SETD1A: variants seen among roughly 807,000 people sequenced by gnomAD.
The protein encoded by SETD1A is histone-lysine N-methyltransferase SETD1A.
SETD1A carries 29 observed loss-of-function variants against 149.9 expected under a neutral mutation model. The observed-to-expected ratio is 0.19, with a 90% CI of 0.14 to 0.26. The LOEUF (loss-of-function observed/expected upper bound fraction) is 0.26. Ranked by LOEUF, SETD1A falls within the 10% of genes least tolerant of loss-of-function variation. The pLI, the probability that SETD1A is intolerant of heterozygous loss-of-function variation, is 1.00. For missense variants in SETD1A, 2,109 were observed against 2,353.1 expected, an observed-to-expected ratio of 0.90 and a Z score of 2.15; for synonymous variants, 1,141 against 968.5, an observed-to-expected ratio of 1.18 and a Z score of -3.31.
rs1251796306 is a variant in SETD1A at position 30,965,906 on chromosome 16, G to T, written c.2025G>T (p.Gly675=). 2 of 1,613,256 alleles carry T rather than the reference G, an allele frequency of 1.2e-6. No homozygotes were observed. Among genetic ancestry groups the T allele is most frequent in the South Asian group, 2.2e-5 (2 of 90,952 alleles). Residue 675 remains glycine, a synonymous_variant, in exon 8 of 19, where the codon GGG becomes GGT. Coordinates refer to ENST00000262519, the MANE Select transcript of SETD1A (RefSeq NM_014712.3). ...LMDRLGAQWG[G]MPMSFQMQTQ... is the part of the protein sequence containing the mutation. ...ACCGACTTGGGGCTCAGTGGGGAGG[G>T]ATGCCCATGTCCTTCCAGATGCAGA...
chr16:30,975,342 C>T (rs1016635663), intron 13 of SETD1A, among the ~76,000 whole-genome samples: 1 of 151,990 alleles, frequency 6.6e-6, no homozygotes, highest in African/African-American at 2.4e-5. Context: ...GATATCAGCT[C>T]CCATGTGTCA....
intron 1 of SETD1A, 57 bp from the exon 2 acceptor site, chr16:30,958,660 C>A: frequency 2.0e-6 from 3 of 1,464,668 alleles, no homozygotes; most frequent in South Asian, 1.2e-5. Flanking sequence ...TGAGGAAAGG[C>A]AGGGGAGTCA....
rs2056123604 is a variant in SETD1A at position 30,965,290 on chromosome 16, C to T, written c.1548C>T (p.Asn516=). The change falls in exon 7 of 19, where the codon AAC becomes AAT. Residue 516 remains asparagine, a synonymous_variant. Transcript: ENST00000262519. ...LASDTEEEEE[N]SSMVLGARDT... The stretch of plus-strand genomic sequence containing the variant: ...CTGACACAGAGGAGGAGGAAGAGAA[C>T]AGCAGCATGGTCCTTGGGGCCAGAG... 6.2e-7 allele frequency: 1 copy of T among 1,614,266 alleles called. No homozygotes were observed. The highest frequency in any genetic ancestry group is 1.3e-5 in the African/African-American group (1 of 75,082).
At position 30,958,728 on chromosome 16, in the gene SETD1A, A is replaced by G. The variant is rs778174472; in HGVS notation, c.-4A>G. ...TCTTCCCCTAACAGTGTAAATGAGC[A>G]AAGATGGATCAGGAAGGTGGGGGAG... On this transcript the variant is annotated 5_prime_UTR_variant, in exon 2 of 19. Coordinates refer to ENST00000262519, the MANE Select transcript of SETD1A (RefSeq NM_014712.3). 4.9e-5 allele frequency: 79 copies of G among 1,614,024 alleles called. No homozygotes were observed. In the South Asian group the frequency reaches 7.1e-4, roughly 15 times the overall value.
chr16:30,977,868 A>C (rs1159585133), intron 13 of SETD1A, among the ~76,000 whole-genome samples: 1 of 152,204 alleles, frequency 6.6e-6, no homozygotes, highest in Non-Finnish European at 1.5e-5. Flanking sequence ...GAAGCCAGTG[A>C]GTCCGTGGGC....
chr16:30,971,571 G>T lies in SETD1A; in HGVS notation c.3210G>T (p.Arg1070=), dbSNP rs768969396. The T allele has an allele frequency of 5.0e-6, 8 of 1,613,692 alleles. No individual in the cohort carries two copies. Among genetic ancestry groups the T allele is most frequent in the African/African-American group, 1.3e-5 (1 of 74,880 alleles). ...SSSEDEEEEE[R]PAALPSASPP... The stretch of plus-strand genomic sequence containing the variant: ...CTGAAGATGAAGAGGAAGAGGAGCG[G>T]CCAGCAGCCCTTCCCTCAGCCTCCC... The change falls in exon 13 of 19, where the codon CGG becomes CGT. Residue 1070 remains arginine (R), a synonymous_variant. Transcript: ENST00000262519.
intron 13 of SETD1A, among the ~76,000 whole-genome samples, chr16:30,976,147 A>G (rs1018728004): frequency 1.3e-5 from 2 of 152,024 alleles, no homozygotes; most frequent in Non-Finnish European, 2.9e-5. Context: ...TGGCTCACAC[A>G]TGTAATCCCA....
intron 12 of SETD1A, among the ~76,000 whole-genome samples, chr16:30,971,134 T>TC (rs1183442517): frequency 1.3e-5 from 2 of 152,190 alleles, no homozygotes. Flanking sequence ...GTTCAGCTTG[T>TC]CCCCTGGGAT....
rs376894445 is a variant in SETD1A, at chr16:30,977,555, C to T, written c.3359-1590C>T. ...TGTGCTGGTGGAGGAGTGTGTTCTT[C>T]GAGCGAGGCTTCCCGAGGACATGCA... is the stretch of plus-strand genomic sequence containing the variant. On this transcript the variant is annotated intron_variant, in intron 13 of 18. Transcript: ENST00000262519. Among the ~76,000 whole-genome samples, 7 of 152,306 alleles carry T rather than the reference C, an allele frequency of 4.6e-5. No individual in the cohort carries two copies. In the East Asian group the frequency reaches 1.2e-3, roughly 25 times the overall value.
chr16:30,959,809 C>A (rs192684708), intron 3 of SETD1A, among the ~76,000 whole-genome samples: 51 of 151,558 alleles, frequency 3.4e-4, no homozygotes, highest in African/African-American at 1.1e-3. Flanking sequence ...ACACCCACAG[C>A]TTCAACTATT....
In SETD1A at chr16:30,983,550, G is replaced by C; in HGVS notation, c.4813-85G>C. The C allele has an allele frequency of 6.7e-7, 1 of 1,488,218 alleles. No individual in the cohort carries two copies. Among genetic ancestry groups the C allele is most frequent in the African/African-American group, 1.4e-5 (1 of 73,342 alleles). The allele number at this position is 1,488,218 out of a possible 1,614,324, so 92.2% of individuals were successfully genotyped here. On this transcript the variant is annotated intron_variant, in intron 17 of 18. Coordinates refer to ENST00000262519, the MANE Select transcript of SETD1A (RefSeq NM_014712.3). The surrounding 1 kb of genome is among the most constrained non-coding windows in gnomAD (Gnocchi z 6.8). The stretch of plus-strand genomic sequence containing the variant: ...AGCTGCAGCTCCAGGCCTGGTGGGC[G>C]TGGACCTGGGGTGCTGGCTGGCAGG...
rs897760166 is a variant in SETD1A at position 30,979,960 on chromosome 16, C to T, written c.4174C>T (p.Arg1392Cys). Residue 1392 changes from arginine to cysteine, a missense_variant, in exon 14 of 19, where the codon CGC (arginine) becomes TGC (cysteine). Physicochemically the swap from Arg to Cys is radical, Grantham distance 180. Around this residue, in one of 8 missense-constraint regions of SETD1A, gnomAD observed 832 missense variants for 815.6 expected, o/e 1.02. Transcript: ENST00000262519. ...SSDGEGALRR[R>C]SLRSHARRRR... The stretch of plus-strand genomic sequence containing the variant: ...CGATGGGGAGGGCGCCCTCCGGAGG[C>T]GCAGCCTCCGCTCCCACGCCCGGCG... 5.2e-6 allele frequency: 8 copies of T among 1,530,246 alleles called. No individual in the cohort carries two copies. The highest frequency in any genetic ancestry group is 7.0e-6 in the Non-Finnish European group (8 of 1,142,364). 94.8% of individuals were successfully genotyped at this position (1,530,246 alleles called of 1,614,324 possible).
In SETD1A at chr16:30,980,170, G is replaced by A; in HGVS notation, c.4384G>A (p.Asp1462Asn). The A allele has an allele frequency of 1.2e-6, 2 of 1,609,722 alleles. No individual in the cohort carries two copies. Among genetic ancestry groups the A allele is most frequent in the Non-Finnish European group, 1.7e-6 (2 of 1,178,022 alleles). ...QQTSGADWLN[D>N]THWVHHTITN... The stretch of plus-strand genomic sequence containing the variant: ...GACAAGCGGGGCTGACTGGCTCAAC[G>A]ACACTCACTGGGTCCATCACACAAA... The change falls in exon 14 of 19, where the codon GAC becomes AAC. Residue 1462 changes from aspartate (D) to asparagine (N), a missense_variant. This residue lies in a region of SETD1A where 254 missense variants were observed against 409.3 expected (regional missense o/e 0.62). Transcript: ENST00000262519. The surrounding 1 kb of genome is among the most constrained non-coding windows in gnomAD (Gnocchi z 7.7).
At position 30,979,243 on chromosome 16, in the gene SETD1A, T is replaced by G; in HGVS notation, c.3457T>G (p.Ser1153Ala). The change falls in exon 14 of 19, where the codon TCT becomes GCT. Residue 1153 changes from serine (S) to alanine (A), a missense_variant. By Grantham distance (99) the Ser-to-Ala change is moderately conservative. Coordinates refer to ENST00000262519, the MANE Select transcript of SETD1A (RefSeq NM_014712.3). ...CCCACGCCCCGATGAGCGTCCCTCT[T>G]CTCCCATCCCCCTCCTGCCCCCACC... ...PAPRPDERPS[S>A]PIPLLPPPKK... 6.2e-7 allele frequency: 1 copy of G among 1,603,940 alleles called. No individual in the cohort carries two copies. The highest frequency in any genetic ancestry group is 8.5e-7 in the Non-Finnish European group (1 of 1,174,414).
chr16:30,980,492 C>T lies in SETD1A; in HGVS notation c.4416C>T (p.Asn1472=), dbSNP rs2056359083. The change falls in exon 15 of 19, where the codon AAC becomes AAT. Residue 1472 remains asparagine, a synonymous_variant. Transcript: ENST00000262519. This position sits in a 1 kb window ranked among gnomAD's most constrained non-coding sequence, Gnocchi z 7.7. ...TTCCTTAACACCCTGCACTCACCAA[C>T]CTGACCACCCCAAAACGCAAGCGGC... ...DTHWVHHTIT[N]LTTPKRKRRP... 6.2e-7 allele frequency: 1 copy of T among 1,613,196 alleles called. No individual in the cohort carries two copies. The highest frequency in any genetic ancestry group is 8.5e-7 in the Non-Finnish European group (1 of 1,179,486).
At position 30,984,380 on chromosome 16, in the gene SETD1A, C is replaced by T. The variant is rs746249199; in HGVS notation, c.*357C>T. ...TGTTAATGGGGACTTCCCCTTACGCCCTGCGTGTACCCCTCCCCAGTTTAG... is the reference window on the plus strand; with the variant it reads ...TGTTAATGGGGACTTCCCCTTACGCTCTGCGTGTACCCCTCCCCAGTTTAG... On this transcript the variant is annotated 3_prime_UTR_variant, in exon 19 of 19. Coordinates refer to ENST00000262519, the MANE Select transcript of SETD1A (RefSeq NM_014712.3). 7.6e-4 allele frequency: 166 copies of T among 219,372 alleles called. 1 individual carries two copies. Among genetic ancestry groups the T allele is most frequent in the Non-Finnish European group, 1.2e-3 (126 of 109,420 alleles). The allele number at this position is 219,372 out of a possible 1,614,324, so 13.6% of individuals were successfully genotyped here.
rs779450802 is a variant in SETD1A at position 30,961,482 on chromosome 16, C to T, written c.462C>T (p.Asn154=). The change falls in exon 4 of 19, where the codon AAC becomes AAT. Residue 154 remains asparagine, a synonymous_variant. Coordinates refer to ENST00000262519, the MANE Select transcript of SETD1A (RefSeq NM_014712.3). This position sits in a 1 kb window ranked among gnomAD's most constrained non-coding sequence, Gnocchi z 4.0. ...STRGAKETVK[N]LHLTSVMGNI... is the part of the protein sequence containing the mutation. ...GGGGCGCCAAGGAAACGGTCAAAAA[C>T]CTCCACCTTACCTCCGTCATGGGCA... The T allele has an allele frequency of 2.5e-6, 4 of 1,614,054 alleles. No individual in the cohort carries two copies. The highest frequency in any genetic ancestry group is 3.4e-6 in the Non-Finnish European group (4 of 1,180,044).
Position 30,983,939 on chromosome 16 carries a change from C to G in SETD1A, c.5040C>G (p.Ile1680Met). ...SKQPIGVDEEITYDYKFPLED... is the reference protein window; with the variant it reads ...SKQPIGVDEEMTYDYKFPLED... Reference sequence around the variant, plus strand: ...AGCCCATTGGCGTGGACGAGGAGATCACCTACGACTACAAGTTCCCACTGG... The same window carrying G: ...AGCCCATTGGCGTGGACGAGGAGATGACCTACGACTACAAGTTCCCACTGG... The change falls in exon 19 of 19, where the codon ATC becomes ATG. Residue 1680 changes from isoleucine to methionine, a missense_variant. Ile to Met is a conservative substitution (Grantham distance 10). This residue lies in a region of SETD1A where 254 missense variants were observed against 409.3 expected (regional missense o/e 0.62). Transcript: ENST00000262519. The surrounding 1 kb of genome is among the most constrained non-coding windows in gnomAD (Gnocchi z 6.8). The G allele has an allele frequency of 6.2e-7, 1 of 1,614,110 alleles. No individual in the cohort carries two copies. The highest frequency in any genetic ancestry group is 8.5e-7 in the Non-Finnish European group (1 of 1,179,980).
chr16:30,967,483 C>T lies in SETD1A; in HGVS notation c.2683-18C>T, dbSNP rs2056164248. 2.5e-6 allele frequency: 4 copies of T among 1,612,718 alleles called. No homozygotes were observed. The highest frequency in any genetic ancestry group is 3.4e-6 in the Non-Finnish European group (4 of 1,178,878). ...TGTTTGAGCTCTAAACAGGCCCCAT[C>T]TTTTCCCCATCCCCCAGGTAAAGCG... On this transcript the variant is annotated intron_variant, in intron 9 of 18. Transcript: ENST00000262519.
Sources: allele counts gnomAD v4.1 joint callset (sites outside exome capture counted in the v4.1 genomes callset), GRCh38; gene constraint gnomAD v4.1.1; regional missense constraint gnomAD v4.1.1; non-coding constraint Gnocchi (gnomAD v3.1); transcripts MANE v1.5; gene names NCBI Gene and HGNC (gene_info 2026-07-23, HGNC 2026-07-21).